Variants in LSAMP observed in about 807,000 individuals in gnomAD.
The protein encoded by LSAMP is limbic system-associated membrane protein.
LSAMP carries 7 observed loss-of-function variants against 38.6 expected under a neutral mutation model. The ratio of observed to expected loss-of-function variants is 0.18; its 90% CI spans 0.10 to 0.34. The LOEUF is 0.34. Ranked by LOEUF, LSAMP falls within the 10% of genes least tolerant of loss-of-function variation. The pLI, the probability that LSAMP is intolerant of heterozygous loss-of-function variation, is 1.00. For synonymous variants in LSAMP, 154 were observed against 166.8 expected (o/e 0.92, Z 0.59); for missense variants, 313 against 420.0 (o/e 0.75, Z 2.23).
At chr3:115,869,269 G>GGA (rs35112915) in intron 3 of LSAMP, among the ~76,000 whole-genome samples, 10,257 of 128,392 alleles carry the variant, frequency 0.08, 504 homozygotes, top group Middle Eastern at 0.11. Context: ...TCTTGGAGGG[G>GGA]GAGAGAGAGA....
intron 1 of LSAMP, among the ~76,000 whole-genome samples, chr3:116,161,856 G>A (rs1323736245): frequency 2.0e-5 from 3 of 152,090 alleles, no homozygotes; most frequent in Admixed American, 6.6e-5. Flanking sequence ...TCTGTGCTGG[G>A]AAGCATTTAG....
chr3:116,078,380 A>T (rs749442673), intron 2 of LSAMP, among the ~76,000 whole-genome samples: 1 of 151,600 alleles, frequency 6.6e-6, no homozygotes, highest in Non-Finnish European at 1.5e-5. Context: ...GCTGGAGCGC[A>T]GTGGCCTGAT....
intron 1 of LSAMP, among the ~76,000 whole-genome samples, chr3:116,232,701 T>TTTTTTTTTC (rs2046416679): frequency 7.9e-6 from 1 of 126,456 alleles, no homozygotes; most frequent in Non-Finnish European, 1.6e-5. Context: ...CTTTCTTTCT[T>TTTTTTTTTC]TTTTTTTTTT....
At chr3:115,966,156 A>G (rs1559900421) in intron 3 of LSAMP, among the ~76,000 whole-genome samples, 2 of 152,196 alleles carry the variant, frequency 1.3e-5, no homozygotes, top group Non-Finnish European at 2.9e-5. Flanking sequence ...GGGACTATGC[A>G]CCTATTGGGT....
intron 1 of LSAMP, among the ~76,000 whole-genome samples, chr3:116,312,367 A>C (rs2047569256): frequency 6.6e-6 from 1 of 152,162 alleles, no homozygotes; most frequent in African/African-American, 2.4e-5. Context: ...AGGCTATGGC[A>C]TAAAATATGG....
chr3:116,265,604 C>T (rs967039010), intron 1 of LSAMP, among the ~76,000 whole-genome samples: 16 of 152,144 alleles, frequency 1.1e-4, no homozygotes, highest in African/African-American at 1.9e-4. Context: ...CTTTCCCCAA[C>T]GCCTTGTCTC....
chr3:116,286,479 C>A (rs1435595679), intron 1 of LSAMP, among the ~76,000 whole-genome samples: 1 of 152,180 alleles, frequency 6.6e-6, no homozygotes, highest in Non-Finnish European at 1.5e-5. Flanking sequence ...AGGCACAGCT[C>A]TCATAGCAAT....
chr3:115,975,687 C>G (rs967794627), intron 3 of LSAMP, among the ~76,000 whole-genome samples: 2 of 152,110 alleles, frequency 1.3e-5, no homozygotes, highest in African/African-American at 4.8e-5. Flanking sequence ...ATTTCTAAAC[C>G]GCCAAAGCAT....
chr3:116,409,154 A>G (rs1172885952), intron 1 of LSAMP, among the ~76,000 whole-genome samples: 2 of 152,020 alleles, frequency 1.3e-5, no homozygotes, highest in Non-Finnish European at 2.9e-5. Flanking sequence ...CATTGTTATG[A>G]GACACAGTAA....
At chr3:115,843,399 C>T (rs575126597) in intron 4 of LSAMP, among the ~76,000 whole-genome samples, 1 of 152,114 alleles carries the variant, frequency 6.6e-6, no homozygotes, top group African/African-American at 2.4e-5. Flanking sequence ...AGAGTGTTTG[C>T]ATGTCCACTT....
intron 3 of LSAMP, among the ~76,000 whole-genome samples, chr3:115,864,288 C>T (rs778482434): frequency 1.3e-5 from 2 of 152,192 alleles, no homozygotes; most frequent in African/African-American, 2.4e-5. Flanking sequence ...ATCCTTGTTA[C>T]TGGCAGTCAG....
chr3:115,914,981 G>A (rs533496774), intron 3 of LSAMP, among the ~76,000 whole-genome samples: 1 of 152,334 alleles, frequency 6.6e-6, no homozygotes, highest in Admixed American at 6.5e-5. Flanking sequence ...AAAGAGGCAA[G>A]GTGGGGAGGG....
At position 115,805,405 on chromosome 3, in the gene LSAMP, G is replaced by A. The variant is rs769031470; in HGVS notation, c.*4912C>T. On this transcript the variant is annotated 3_prime_UTR_variant, in exon 7 of 7. Transcript: ENST00000490035. ...TTTTATTTGATTTTTTTTTCCTTAA[G>A]AATCATAGTAAACCTTAGCAGTAGT... is the stretch of plus-strand genomic sequence containing the variant. 1 of 151,610 alleles carries A rather than the reference G, an allele frequency of 6.6e-6. No individual in the cohort carries two copies. Among genetic ancestry groups the A allele is most frequent in the Non-Finnish European group, 1.5e-5 (1 of 67,904 alleles). The allele number at this position is 151,610 out of a possible 1,614,324, so 9.4% of individuals were successfully genotyped here.
intron 1 of LSAMP, among the ~76,000 whole-genome samples, chr3:116,316,806 G>T (rs1214651709): frequency 6.8e-6 from 1 of 146,974 alleles, no homozygotes; most frequent in East Asian, 2.0e-4. Flanking sequence ...GAGAAAGAAA[G>T]AAAGGTAAGG....
chr3:116,435,469 T>C (rs931390433), intron 1 of LSAMP, among the ~76,000 whole-genome samples: 1 of 149,762 alleles, frequency 6.7e-6, no homozygotes, highest in African/African-American at 2.5e-5. Flanking sequence ...TTCTGCTTTG[T>C]CCTTCTCTTG....
chr3:115,997,325 G>A (rs1460161373), intron 3 of LSAMP, among the ~76,000 whole-genome samples: 1 of 151,984 alleles, frequency 6.6e-6, no homozygotes, highest in Admixed American at 6.6e-5. Flanking sequence ...TCCATTGTGG[G>A]ACTATGAGAC....
chr3:116,047,591 G>A (rs1278849864), intron 2 of LSAMP, among the ~76,000 whole-genome samples: 1 of 151,592 alleles, frequency 6.6e-6, no homozygotes, highest in East Asian at 1.9e-4. Flanking sequence ...TCTTTCTTTT[G>A]ATCCTTTTGC....
chr3:116,166,190 C>T (rs1282116875), intron 1 of LSAMP, among the ~76,000 whole-genome samples: 1 of 152,212 alleles, frequency 6.6e-6, no homozygotes, highest in African/African-American at 2.4e-5. Flanking sequence ...TTTCAGCAGC[C>T]TTCTGCCATT....
chr3:115,882,771 C>T (rs918437527), intron 3 of LSAMP, among the ~76,000 whole-genome samples: 10 of 152,000 alleles, frequency 6.6e-5, no homozygotes, highest in African/African-American at 2.4e-4. Context: ...TCCCTCATCT[C>T]TCACCCTCAC....
Sources: gnomAD v4.1 joint callset for allele counts (sites outside exome capture counted in the v4.1 genomes callset) on GRCh38, gnomAD v4.1.1 for gene constraint, MANE v1.5 for transcripts, NCBI Gene and HGNC (gene_info 2026-07-23, HGNC 2026-07-21) for gene names.